The following ARID4B variants were observed in gnomAD, a reference collection of about 807,000 sequenced individuals.
ARID4B encodes AT-rich interactive domain-containing protein 4B.
A neutral mutation model predicts 147.5 loss-of-function variants in ARID4B; 26 were observed. The ratio of observed to expected loss-of-function variants is 0.18; its 90% CI spans 0.13 to 0.24. The LOEUF (loss-of-function observed/expected upper bound fraction) is 0.24, where lower values mean the gene tolerates loss of function less well. Ranked by LOEUF, ARID4B falls within the 10% of genes least tolerant of loss-of-function variation. ARID4B has a pLI of 1.00. For missense variants in ARID4B, 1,179 were observed against 1,511.5 expected, an observed-to-expected ratio of 0.78 and a Z score of 3.65; for synonymous variants, 512 against 507.9, an observed-to-expected ratio of 1.01 and a Z score of -0.11.
chr1:235,212,146 G>A (rs1352712630), intron 17 of ARID4B, among the ~76,000 whole-genome samples: 3 of 152,192 alleles, frequency 2.0e-5, no homozygotes, highest in African/African-American at 7.2e-5. Context: ...TCAGGAGGCT[G>A]CAGCACAAGA....
At chr1:235,203,218 G>A (rs1465596181) in intron 17 of ARID4B, among the ~76,000 whole-genome samples, 2 of 152,156 alleles carry the variant, frequency 1.3e-5, no homozygotes, top group Non-Finnish European at 2.9e-5. Flanking sequence ...AAAACTTTAT[G>A]GCTTTTGTAC....
rs1671117515 is a variant in ARID4B at position 235,273,413 on chromosome 1, T to G, written c.7-12661A>C. On this transcript the variant is annotated intron_variant, in intron 2 of 23. Coordinates refer to ENST00000264183, the MANE Select transcript of ARID4B (RefSeq NM_016374.6). Reference sequence around the variant, plus strand: ...TTACAGAGATGATGGTTTATTTTTATGTTACTGAAATTCATACAAACATAA... The same window carrying G: ...TTACAGAGATGATGGTTTATTTTTAGGTTACTGAAATTCATACAAACATAA... 2.6e-5 allele frequency among the ~76,000 whole-genome samples: 4 copies of G among 152,202 alleles called. No individual in the cohort carries two copies. The South Asian group carries it at 8.3e-4, about 31-fold the overall frequency.
At chr1:235,321,353 T>C (rs1453828932) in intron 2 of ARID4B, among the ~76,000 whole-genome samples, 1 of 152,180 alleles carries the variant, frequency 6.6e-6, no homozygotes, top group Non-Finnish European at 1.5e-5. Flanking sequence ...TCACACCAGA[T>C]TAACCAAGCC....
At chr1:235,314,551 T>A (rs1450638369) in intron 2 of ARID4B, among the ~76,000 whole-genome samples, 1 of 152,180 alleles carries the variant, frequency 6.6e-6, no homozygotes, top group Non-Finnish European at 1.5e-5. Flanking sequence ...TACTGGGCAC[T>A]TTAAACAAAG....
intron 2 of ARID4B, among the ~76,000 whole-genome samples, chr1:235,297,210 G>A (rs1380155891): frequency 6.6e-6 from 1 of 152,020 alleles, no homozygotes; most frequent in Non-Finnish European, 1.5e-5. Flanking sequence ...GGCCAAAGAT[G>A]AGACAATTGA....
At chr1:235,326,034 A>G (rs187107165) in intron 2 of ARID4B, among the ~76,000 whole-genome samples, 53 of 152,198 alleles carry the variant, frequency 3.5e-4, no homozygotes, top group African/African-American at 9.4e-4. Flanking sequence ...TGAACACTCT[A>G]CCCTTTTCAA....
At chr1:235,291,986 G>A (rs1294025232) in intron 2 of ARID4B, among the ~76,000 whole-genome samples, 1 of 152,126 alleles carries the variant, frequency 6.6e-6, no homozygotes, top group Non-Finnish European at 1.5e-5. Flanking sequence ...ACAATTGGAG[G>A]TAAAAGGTAG....
At chr1:235,221,773 CAAAA>C (rs1012193756) in intron 13 of ARID4B, 111 bp from the exon 14 acceptor site, 2 of 411,452 alleles carry the variant, frequency 4.9e-6, no homozygotes, top group African/African-American at 4.2e-5. Context: ...GTCCTAGACT[CAAAA>C]GAATTTTTAA....
At chr1:235,324,349 T>G (rs1184487414) in intron 2 of ARID4B, among the ~76,000 whole-genome samples, 1 of 152,166 alleles carries the variant, frequency 6.6e-6, no homozygotes, top group African/African-American at 2.4e-5. Flanking sequence ...AAAAGTAACA[T>G]AGCATATATT....
chr1:235,204,098 C>T (rs888057299), intron 17 of ARID4B, among the ~76,000 whole-genome samples: 2 of 152,062 alleles, frequency 1.3e-5, no homozygotes, highest in East Asian at 1.9e-4. Context: ...CCAAGGCAGG[C>T]GGATCATGAC....
intron 6 of ARID4B, among the ~76,000 whole-genome samples, chr1:235,250,093 C>T (rs796392188): frequency 2.6e-5 from 4 of 151,552 alleles, no homozygotes; most frequent in South Asian, 2.1e-4. Flanking sequence ...GGCAACAGAG[C>T]GAGACTCCGT....
chr1:235,193,016 C>T (rs1462276887), intron 19 of ARID4B, among the ~76,000 whole-genome samples: 1 of 152,014 alleles, frequency 6.6e-6, no homozygotes, highest in Non-Finnish European at 1.5e-5. Context: ...CAGTGTGAAC[C>T]CGGGAGGTGG....
intron 6 of ARID4B, among the ~76,000 whole-genome samples, chr1:235,248,881 T>C (rs1317704067): frequency 1.3e-5 from 2 of 152,130 alleles, no homozygotes; most frequent in Non-Finnish European, 2.9e-5. Flanking sequence ...CAGAGGCTCC[T>C]GAAAGCTGTA....
intron 14 of ARID4B, among the ~76,000 whole-genome samples, chr1:235,221,335 C>T (rs1667454071): frequency 6.6e-6 from 1 of 152,076 alleles, no homozygotes; most frequent in Non-Finnish European, 1.5e-5. Context: ...GCTTTTTAAC[C>T]TCTATGAAGT....
chr1:235,285,132 G>A (rs1010222928), intron 2 of ARID4B, among the ~76,000 whole-genome samples: 6 of 152,040 alleles, frequency 3.9e-5, no homozygotes, highest in African/African-American at 1.4e-4. Context: ...ATGTTGCCTA[G>A]GCTAGTCTTA....
Position 235,224,749 on chromosome 1 carries a change from T to C in ARID4B, c.924A>G (p.Glu308=). 1.3e-6 allele frequency: 2 copies of C among 1,598,350 alleles called. No homozygotes were observed. Among genetic ancestry groups the C allele is most frequent in the Non-Finnish European group, 1.7e-6 (2 of 1,168,312 alleles). Residue 308 remains glutamate, a synonymous_variant, in exon 12 of 24, where the codon GAA becomes GAG. Coordinates refer to ENST00000264183, the MANE Select transcript of ARID4B (RefSeq NM_016374.6). ...ACAATTGCTGAAGAAAGTTCTCCCT[T>C]TCTTCTGGAAATGGTTCTATTTCTT... ...EEEEIEPFPE[E]RENFLQQLYK...
chr1:235,327,515 C>T (rs1277579744), intron 1 of ARID4B: 1 of 152,230 alleles, frequency 6.6e-6, no homozygotes, highest in African/African-American at 2.4e-5. Flanking sequence ...GCCGAGGGCC[C>T]CGGAGGCGGA....
At chr1:235,172,556 G>T in intron 23 of ARID4B, 62 bp downstream of exon 23, 2 of 1,238,774 alleles carry the variant, frequency 1.6e-6, no homozygotes, top group South Asian at 1.8e-5. Context: ...CCAGCCTGGC[G>T]ACAAGAGTGA....
intron 16 of ARID4B, among the ~76,000 whole-genome samples, chr1:235,214,488 C>T (rs1666924192): frequency 6.6e-6 from 1 of 152,090 alleles, no homozygotes; most frequent in Non-Finnish European, 1.5e-5. Flanking sequence ...CAGAGTCTTG[C>T]TCTGTCACCC....
Sources: allele counts gnomAD v4.1 joint callset (sites outside exome capture counted in the v4.1 genomes callset), GRCh38; gene constraint gnomAD v4.1.1; transcripts MANE v1.5; gene names NCBI Gene and HGNC (gene_info 2026-07-23, HGNC 2026-07-21).